Variants in TENM2 observed in about 807,000 individuals in gnomAD.
TENM2 encodes teneurin-2.
TENM2 carries 52 observed loss-of-function variants against 245.2 expected under a neutral mutation model. The observed-to-expected ratio is 0.21, with a 90% CI of 0.17 to 0.27. TENM2 has a LOEUF of 0.27. Ranked by LOEUF, TENM2 falls within the 10% of genes least tolerant of loss-of-function variation. The probability of loss-of-function intolerance (pLI) is 1.00; values close to 1 mark genes in which losing one functional copy is unlikely to be tolerated. For synonymous variants in TENM2, 1,363 were observed against 1,438.9 expected, an observed-to-expected ratio of 0.95 and a Z score of 1.19; for missense variants, 3,046 against 3,666.8, an observed-to-expected ratio of 0.83 and a Z score of 4.37.
At chr5:167,969,800 T>A (rs1781639949) in intron 4 of TENM2, among the ~76,000 whole-genome samples, 1 of 152,142 alleles carries the variant, frequency 6.6e-6, no homozygotes, top group Admixed American at 6.5e-5. Context: ...CTTGATTGAG[T>A]CTCATGGAAT....
chr5:168,234,727 TTC>T (rs1198073101), intron 25 of TENM2, among the ~76,000 whole-genome samples: 1 of 152,196 alleles, frequency 6.6e-6, no homozygotes, highest in African/African-American at 2.4e-5. Context: ...TGCAGGATGA[TTC>T]TCTTTCTTTG....
intron 2 of TENM2, among the ~76,000 whole-genome samples, chr5:167,558,190 A>G (rs1773373796): frequency 2.0e-5 from 3 of 152,186 alleles, no homozygotes; most frequent in Non-Finnish European, 4.4e-5. Flanking sequence ...TCTGACTTTG[A>G]ATTTTCTGGA....
chr5:167,268,249 A>C, the TENM2 span, among the ~76,000 whole-genome samples: 1 of 152,214 alleles, frequency 6.6e-6, no homozygotes, highest in Non-Finnish European at 1.5e-5. Context: ...CAAAATAATA[A>C]TTAGCAGCAG....
the TENM2 span, among the ~76,000 whole-genome samples, chr5:167,005,192 A>G: frequency 6.6e-6 from 1 of 152,108 alleles, no homozygotes; most frequent in African/African-American, 2.4e-5. Flanking sequence ...GGTGTCTTTC[A>G]CTGTTTCTGC....
intron 2 of TENM2, among the ~76,000 whole-genome samples, chr5:167,561,528 G>A (rs1223500205): frequency 6.6e-6 from 1 of 152,136 alleles, no homozygotes; most frequent in Non-Finnish European, 1.5e-5. Context: ...GCCCAAAATG[G>A]AGCAAAATAA....
intron 5 of TENM2, among the ~76,000 whole-genome samples, chr5:168,040,419 G>T (rs903490864): frequency 3.3e-5 from 5 of 152,164 alleles, no homozygotes; most frequent in Non-Finnish European, 1.5e-5. Context: ...CTGGAAGTCG[G>T]ACAGAGGCTA....
At chr5:167,061,310 A>G in the TENM2 span, among the ~76,000 whole-genome samples, 1 of 152,322 alleles carries the variant, frequency 6.6e-6, no homozygotes, top group East Asian at 1.9e-4. Flanking sequence ...GAAAGAGTTC[A>G]GAGTCTGAGA....
intron 2 of TENM2, among the ~76,000 whole-genome samples, chr5:167,821,807 G>A (rs1767550707): frequency 6.6e-6 from 1 of 152,012 alleles, no homozygotes; most frequent in Admixed American, 6.6e-5. Context: ...TCTTGTCTGA[G>A]TTTCATTCCA....
chr5:168,254,419 G>A lies in TENM2; in HGVS notation c.7433-5864G>A, dbSNP rs76723624. 3.2e-3 allele frequency among the ~76,000 whole-genome samples: 481 copies of A among 151,550 alleles called. 3 individuals carry two copies. Among genetic ancestry groups the A allele is most frequent in the African/African-American group, 0.011 (466 of 41,278 alleles). On this transcript the variant is annotated intron_variant, in intron 27 of 28. Transcript: ENST00000518659. ...AACCAGCCATGTTAGAAAATTTAAAGAAGAGGAAAGAGGGAAAGGGGAGGG... is the reference window on the plus strand; with the variant it reads ...AACCAGCCATGTTAGAAAATTTAAAAAAGAGGAAAGAGGGAAAGGGGAGGG...
At chr5:167,732,781 G>A (rs147213653) in intron 2 of TENM2, among the ~76,000 whole-genome samples, 64 of 152,224 alleles carry the variant, frequency 4.2e-4, no homozygotes, top group African/African-American at 1.4e-3. Flanking sequence ...CAATCTTTCC[G>A]ATTTACAAAC....
the TENM2 span, among the ~76,000 whole-genome samples, chr5:167,242,016 GGTTTTCTTT>G: frequency 1.1e-4 from 16 of 150,490 alleles, no homozygotes; most frequent in African/African-American, 3.2e-4. Context: ...TTTTTGTTTA[GGTTTTCTTT>G]GTTTTCTTTT....
In TENM2 at chr5:167,624,808, A is replaced by C. The variant is rs566007609; in HGVS notation, c.502+249335A>C. 1.4e-4 allele frequency among the ~76,000 whole-genome samples: 22 copies of C among 152,310 alleles called. 1 individual carries two copies. Among genetic ancestry groups the C allele is most frequent in the Admixed American group, 9.2e-4 (14 of 15,292 alleles). On this transcript the variant is annotated intron_variant, in intron 2 of 28. Transcript: ENST00000518659. ...TAACTTAAGGCTTCATAACAAGAAG[A>C]GTTGTTGGGAATGACAAAATATAAT...
At chr5:167,088,769 G>A in the TENM2 span, among the ~76,000 whole-genome samples, 2 of 152,014 alleles carry the variant, frequency 1.3e-5, no homozygotes, top group African/African-American at 4.8e-5. Flanking sequence ...CTTCTTTGAT[G>A]GCATTGCATA....
intron 2 of TENM2, among the ~76,000 whole-genome samples, chr5:167,458,494 CAAAAAA>C (rs70976430): frequency 1.7e-4 from 14 of 82,024 alleles, no homozygotes; most frequent in Admixed American, 1.2e-3. Context: ...CTCAAAAAAA[CAAAAAA>C]AAAAAAAAAA....
chr5:167,291,972 A>G (rs1458627100), intron 1 of TENM2, among the ~76,000 whole-genome samples: 1 of 152,186 alleles, frequency 6.6e-6, no homozygotes, highest in African/African-American at 2.4e-5. Context: ...CCTCACAATC[A>G]TGGTAGAAGG....
the TENM2 span, among the ~76,000 whole-genome samples, chr5:167,128,138 C>T: frequency 2.6e-5 from 4 of 152,262 alleles, no homozygotes; most frequent in East Asian, 7.7e-4. Flanking sequence ...AAAAACGCAG[C>T]GCTCTTCTAA....
At chr5:167,521,528 A>G (rs1409166395) in intron 2 of TENM2, among the ~76,000 whole-genome samples, 1 of 152,198 alleles carries the variant, frequency 6.6e-6, no homozygotes, top group Non-Finnish European at 1.5e-5. Flanking sequence ...TTGGTGAATC[A>G]AGCTTGTCAC....
intron 2 of TENM2, among the ~76,000 whole-genome samples, chr5:167,688,955 T>C (rs983652211): frequency 5.9e-5 from 9 of 152,352 alleles, no homozygotes; most frequent in African/African-American, 2.2e-4. Flanking sequence ...TTTTTTTTCT[T>C]TTCCATTATA....
chr5:167,943,379 G>A (rs758505153), intron 3 of TENM2, among the ~76,000 whole-genome samples: 2 of 151,966 alleles, frequency 1.3e-5, no homozygotes, highest in Non-Finnish European at 1.5e-5. Context: ...TTGGGGGAAA[G>A]CACTGTAAAC....
Sources: gnomAD v4.1 joint callset for allele counts (sites outside exome capture counted in the v4.1 genomes callset) on GRCh38, gnomAD v4.1.1 for gene constraint, MANE v1.5 for transcripts, NCBI Gene and HGNC (gene_info 2026-07-23, HGNC 2026-07-21) for gene names.